Variants in KCNIP4 observed in about 807,000 individuals in gnomAD.
KCNIP4 encodes potassium voltage-gated channel interacting protein 4.
KCNIP4 carries 12 observed loss-of-function variants against 34.0 expected under a neutral mutation model. The observed-to-expected ratio is 0.35, with a 90% confidence interval of 0.23 to 0.57. KCNIP4 has a LOEUF of 0.57. Among genes scored for constraint, KCNIP4 ranks in the 20% least tolerant of loss-of-function variants. The pLI is 0.83. For missense variants in KCNIP4, 238 were observed against 311.7 expected, an observed-to-expected ratio of 0.76 and a Z score of 1.78; for synonymous variants, 124 against 102.2, an observed-to-expected ratio of 1.21 and a Z score of -1.29.
At chr4:20,856,255 C>A (rs1721558934) in intron 2 of KCNIP4, among the ~76,000 whole-genome samples, 1 of 152,140 alleles carries the variant, frequency 6.6e-6, no homozygotes, top group South Asian at 2.1e-4. Flanking sequence ...CTTTCTTGAA[C>A]AATGTCTGAT....
chr4:21,781,117 C>T (rs1719547751), intron 1 of KCNIP4, among the ~76,000 whole-genome samples: 3 of 152,106 alleles, frequency 2.0e-5, no homozygotes. Context: ...TTATAATCCC[C>T]ACATGTTGAG....
chr4:21,788,777 T>TA (rs1720077177), intron 1 of KCNIP4, among the ~76,000 whole-genome samples: 1 of 152,006 alleles, frequency 6.6e-6, no homozygotes, highest in African/African-American at 2.4e-5. Context: ...ATTGTCATTG[T>TA]AAAAATAGTC....
chr4:21,857,077 C>T (rs751181248), intron 1 of KCNIP4, among the ~76,000 whole-genome samples: 4 of 152,230 alleles, frequency 2.6e-5, no homozygotes, highest in Admixed American at 1.3e-4. Context: ...TGAAGCCCCA[C>T]CTTCAAGTGG....
chr4:21,533,102 G>A (rs1046771598), intron 1 of KCNIP4, among the ~76,000 whole-genome samples: 11 of 151,636 alleles, frequency 7.3e-5, no homozygotes, highest in African/African-American at 2.7e-4. Flanking sequence ...TTCCAAAGAA[G>A]TTTAAAATCC....
chr4:21,884,149 A>C (rs901709961), intron 1 of KCNIP4, among the ~76,000 whole-genome samples: 6 of 152,172 alleles, frequency 3.9e-5, no homozygotes, highest in South Asian at 4.1e-4. Context: ...TTAGGATGAT[A>C]ATAAGCCCAA....
intron 1 of KCNIP4, among the ~76,000 whole-genome samples, chr4:21,216,424 A>G (rs1757580737): frequency 6.6e-6 from 1 of 152,224 alleles, no homozygotes; most frequent in South Asian, 2.1e-4. Context: ...GAATGACATG[A>G]GGCTGAGTAA....
chr4:21,707,877 T>C (rs1429648850), intron 1 of KCNIP4, among the ~76,000 whole-genome samples: 1 of 151,434 alleles, frequency 6.6e-6, no homozygotes, highest in East Asian at 1.9e-4. Context: ...ATGAGACGTG[T>C]CCTCAAGCCC....
intron 1 of KCNIP4, among the ~76,000 whole-genome samples, chr4:21,606,300 T>C (rs192454881): frequency 5.9e-5 from 9 of 152,300 alleles, no homozygotes; most frequent in Non-Finnish European, 1.2e-4. Flanking sequence ...GGATCCTTTT[T>C]AACATATCAC....
chr4:21,265,207 G>T (rs1319702859), intron 1 of KCNIP4, among the ~76,000 whole-genome samples: 1 of 152,064 alleles, frequency 6.6e-6, no homozygotes, highest in Non-Finnish European at 1.5e-5. Flanking sequence ...AGGGAGACAG[G>T]CCCCAGCACC....
chr4:21,704,003 GA>G (rs1218810217), intron 1 of KCNIP4, among the ~76,000 whole-genome samples: 1 of 152,094 alleles, frequency 6.6e-6, no homozygotes, highest in East Asian at 1.9e-4. Context: ...GTACAGGGTA[GA>G]AAATGCAGAA....
chr4:20,800,097 T>C (rs974420866), intron 3 of KCNIP4, among the ~76,000 whole-genome samples: 2 of 152,200 alleles, frequency 1.3e-5, no homozygotes, highest in African/African-American at 2.4e-5. Context: ...CTTGCCATAA[T>C]AACATACATA....
chr4:20,738,450 G>A (rs1750230392), intron 5 of KCNIP4, among the ~76,000 whole-genome samples: 1 of 152,086 alleles, frequency 6.6e-6, no homozygotes, highest in Admixed American at 6.5e-5. Context: ...AGGTTGAAGT[G>A]GGACCCCAAA....
intron 1 of KCNIP4, among the ~76,000 whole-genome samples, chr4:21,289,654 C>A (rs1309209400): frequency 6.6e-6 from 1 of 152,182 alleles, no homozygotes; most frequent in African/African-American, 2.4e-5. Flanking sequence ...TTAATGGAAT[C>A]TTTGCACTGG....
At chr4:20,788,771 A>C (rs1712336120) in intron 3 of KCNIP4, among the ~76,000 whole-genome samples, 2 of 152,172 alleles carry the variant, frequency 1.3e-5, no homozygotes, top group Admixed American at 1.3e-4. Context: ...AGAATTCAGT[A>C]TGTAGTTGGT....
intron 4 of KCNIP4, 75 bp from the exon 5 acceptor site, chr4:20,749,807 C>A: frequency 1.1e-6 from 1 of 934,148 alleles, no homozygotes; most frequent in Non-Finnish European, 1.7e-6. Flanking sequence ...GCAGTCCAAG[C>A]TTCCTTTGAT....
rs115167300 is a variant in KCNIP4, at chr4:21,838,880, C to T, written c.61+109691G>A. ...GAACTAAATTTTTTCTCTTGAATAT[C>T]TCATTCCCTATTACTCATAATAGCC... On this transcript the variant is annotated intron_variant, in intron 1 of 8. Transcript: ENST00000382152. Among the ~76,000 whole-genome samples, 976 of 152,318 alleles carry T rather than the reference C, an allele frequency of 6.4e-3. 16 individuals are homozygous for T. The highest frequency in any genetic ancestry group is 0.022 in the African/African-American group (925 of 41,576).
In KCNIP4 at chr4:21,073,968, T is replaced by G. The variant is rs570833429; in HGVS notation, c.62-191259A>C. 6.8e-4 allele frequency among the ~76,000 whole-genome samples: 103 copies of G among 152,328 alleles called. 1 individual carries two copies. The highest frequency in any genetic ancestry group is 2.4e-3 in the African/African-American group (99 of 41,590). On this transcript the variant is annotated intron_variant, in intron 1 of 8. Coordinates refer to ENST00000382152, the MANE Select transcript of KCNIP4 (RefSeq NM_025221.6). ...TGATTTGTGTATGTTGAACCAGCCT[T>G]GCATCCCAGGGATGAAGCCCAGTTG... is the stretch of plus-strand genomic sequence containing the variant.
In KCNIP4 at chr4:20,929,720, G is replaced by A. The variant is rs139932311; in HGVS notation, c.62-47011C>T. 6.0e-3 allele frequency among the ~76,000 whole-genome samples: 907 copies of A among 151,880 alleles called. 7 individuals carry two copies. The highest frequency in any genetic ancestry group is 0.02 in the African/African-American group (837 of 41,502). On this transcript the variant is annotated intron_variant, in intron 1 of 8. Coordinates refer to ENST00000382152, the MANE Select transcript of KCNIP4 (RefSeq NM_025221.6). ...CAAAATCAACATACAAAAATCAGTAGCATTTTTATACACTAATAACAACAT... is the reference window on the plus strand; with the variant it reads ...CAAAATCAACATACAAAAATCAGTAACATTTTTATACACTAATAACAACAT...
intron 1 of KCNIP4, among the ~76,000 whole-genome samples, chr4:21,405,433 G>T (rs564968220): frequency 6.6e-6 from 1 of 152,170 alleles, no homozygotes; most frequent in Admixed American, 6.5e-5. Flanking sequence ...CTTTAAACTA[G>T]AACCTCTCAA....
Sources: allele counts gnomAD v4.1 joint callset (sites outside exome capture counted in the v4.1 genomes callset), GRCh38; gene constraint gnomAD v4.1.1; transcripts MANE v1.5; gene names NCBI Gene and HGNC (gene_info 2026-07-23, HGNC 2026-07-21).